Variants in MAP3K3 observed in about 807,000 individuals in gnomAD.
The protein encoded by MAP3K3 is mitogen-activated protein kinase kinase kinase 3, also known as MAP/ERK kinase kinase 3.
MAP3K3 carries 12 observed loss-of-function variants against 80.9 expected under a neutral mutation model. That is an observed-to-expected ratio of 0.15 (90% CI 0.10 to 0.24). The LOEUF is 0.24. MAP3K3 is among the 10% of genes least tolerant of loss of function. MAP3K3 has a pLI of 1.00. For missense variants in MAP3K3, 596 were observed against 834.7 expected (o/e 0.71, Z 3.52); for synonymous variants, 272 against 307.1 (o/e 0.89, Z 1.19).
chr17:63,625,479 A>T (rs550188210), intron 1 of MAP3K3, among the ~76,000 whole-genome samples: 14 of 152,292 alleles, frequency 9.2e-5, no homozygotes, highest in African/African-American at 3.4e-4. Flanking sequence ...AAAATATGTA[A>T]CAACTTGGAA....
chr17:63,625,444 A>T (rs1004338742), intron 1 of MAP3K3, among the ~76,000 whole-genome samples: 6 of 152,330 alleles, frequency 3.9e-5, no homozygotes, highest in African/African-American at 1.2e-4. Context: ...TTATAAACGC[A>T]GTCTGAAACT....
intron 1 of MAP3K3, among the ~76,000 whole-genome samples, chr17:63,630,601 A>G (rs751360446): frequency 6.6e-6 from 1 of 152,220 alleles, no homozygotes; most frequent in Non-Finnish European, 1.5e-5. Flanking sequence ...TGCTGGGATT[A>G]CAGGCATGAG....
chr17:63,693,898 C>T lies in MAP3K3; in HGVS notation c.*121C>T, dbSNP rs1291166372. 1.2e-6 allele frequency: 1 copy of T among 858,920 alleles called. No homozygotes were observed. Among genetic ancestry groups the T allele is most frequent in the Non-Finnish European group, 1.7e-6 (1 of 571,744 alleles). 53.2% of individuals were successfully genotyped at this position (858,920 alleles called of 1,614,324 possible). On this transcript the variant is annotated 3_prime_UTR_variant, in exon 16 of 16. Transcript: ENST00000361733. The surrounding 1 kb of genome is among the most constrained non-coding windows in gnomAD (Gnocchi z 4.2). The stretch of plus-strand genomic sequence containing the variant: ...GTGGACCATGGAGTGGCAGCCCAGC[C>T]AGCGTCGGTCTGTGCCCCTTCCGCC...
intron 6 of MAP3K3, among the ~76,000 whole-genome samples, chr17:63,678,968 G>A (rs1413768535): frequency 6.6e-6 from 1 of 152,210 alleles, no homozygotes; most frequent in Non-Finnish European, 1.5e-5. Flanking sequence ...GGCGGAGGTT[G>A]CCTTGAGCCA....
chr17:63,676,052 G>C (rs951099668), intron 6 of MAP3K3, among the ~76,000 whole-genome samples: 1 of 152,164 alleles, frequency 6.6e-6, no homozygotes, highest in Admixed American at 6.5e-5. Flanking sequence ...CCAACTCCTG[G>C]TTTTTCCATT....
At chr17:63,662,863 C>T (rs1443800749) in intron 5 of MAP3K3, among the ~76,000 whole-genome samples, 7 of 150,292 alleles carry the variant, frequency 4.7e-5, no homozygotes, top group African/African-American at 1.5e-4. Context: ...GGGCGGGGGG[C>T]GGTCCTCACC....
Position 63,635,851 on chromosome 17 carries a change from G to A in MAP3K3, c.126+3049G>A, listed in dbSNP as rs191358957. ...TGAAAGATCAAAACCTAATTTAAATGGTGAAGAGTTGCCAAATTTGGTTAA... is the reference window on the plus strand; with the variant it reads ...TGAAAGATCAAAACCTAATTTAAATAGTGAAGAGTTGCCAAATTTGGTTAA... On this transcript the variant is annotated intron_variant, in intron 2 of 15. Transcript: ENST00000361733. Among the ~76,000 whole-genome samples the A allele has an allele frequency of 1.1e-4, 16 of 152,288 alleles. No homozygotes were observed. In the East Asian group the frequency reaches 2.3e-3, roughly 22 times the overall value.
chr17:63,674,337 G>A (rs1414196150), intron 6 of MAP3K3, among the ~76,000 whole-genome samples: 4 of 152,134 alleles, frequency 2.6e-5, no homozygotes, highest in Admixed American at 2.0e-4. Flanking sequence ...GGCCAAGGTG[G>A]GTGGATTGCT....
chr17:63,672,518 T>G (rs2035132487), intron 6 of MAP3K3, among the ~76,000 whole-genome samples: 1 of 152,120 alleles, frequency 6.6e-6, no homozygotes, highest in African/African-American at 2.4e-5. Flanking sequence ...GGCAGTTAGA[T>G]ATATAGGTCT....
chr17:63,686,149 C>T (rs1416716604), intron 8 of MAP3K3, among the ~76,000 whole-genome samples: 1 of 152,124 alleles, frequency 6.6e-6, no homozygotes, highest in African/African-American at 2.4e-5. Flanking sequence ...TGGCATTGAT[C>T]TTGCCACTCC....
chr17:63,690,637 C>T (rs1040671247), intron 12 of MAP3K3: 1 of 530,620 alleles, frequency 1.9e-6, no homozygotes, highest in Non-Finnish European at 3.3e-6. Flanking sequence ...TAAGCTGATG[C>T]CAAAGTACCA....
At chr17:63,684,859 T>C (rs1166382890) in intron 7 of MAP3K3, among the ~76,000 whole-genome samples, 2 of 152,106 alleles carry the variant, frequency 1.3e-5, no homozygotes, top group Non-Finnish European at 1.5e-5. Context: ...ACCCCAACTT[T>C]TGTGCAGAGA....
At chr17:63,665,332 A>G (rs1378897110) in intron 5 of MAP3K3, among the ~76,000 whole-genome samples, 1 of 151,414 alleles carries the variant, frequency 6.6e-6, no homozygotes, top group Non-Finnish European at 1.5e-5. Context: ...CGCCCAGCTA[A>G]TTTTTTGTAT....
rs181304887 is a variant in MAP3K3 at position 63,689,449 on chromosome 17, G to T, written c.872-95G>T. The T allele has an allele frequency of 4.6e-6, 5 of 1,091,332 alleles. No individual in the cohort carries two copies. The East Asian group carries it at 1.3e-4, about 28-fold the overall frequency. 67.6% of individuals were successfully genotyped at this position (1,091,332 alleles called of 1,614,324 possible). A position where few individuals can be genotyped will look rare whatever the true frequency, so the allele number is the denominator to read the frequency against. On this transcript the variant is annotated intron_variant, in intron 10 of 15. Coordinates refer to ENST00000361733, the MANE Select transcript of MAP3K3 (RefSeq NM_002401.5). The surrounding 1 kb of genome is among the most constrained non-coding windows in gnomAD (Gnocchi z 4.3). ...GGCTGAGACCTGGTTTGTATATTCC[G>T]CCTTGTAGCCCGGGGTGTCTCAGAC...
intron 1 of MAP3K3, among the ~76,000 whole-genome samples, chr17:63,629,807 A>G (rs895544581): frequency 3.9e-5 from 6 of 152,262 alleles, no homozygotes; most frequent in African/African-American, 1.4e-4. Flanking sequence ...CAGCTCTGGA[A>G]CTACTAAACA....
At position 63,622,751 on chromosome 17, in the gene MAP3K3, A is replaced by G; in HGVS notation, c.-9A>G. ...ACGGACCTTAGCCACCGCCGCCGCC[A>G]TCGCCACCATGGGTAAGTGTCGCCA... On this transcript the variant is annotated 5_prime_UTR_variant, in exon 1 of 16. Coordinates refer to ENST00000361733, the MANE Select transcript of MAP3K3 (RefSeq NM_002401.5). 5.7e-6 allele frequency: 3 copies of G among 526,402 alleles called. No individual in the cohort carries two copies. Among genetic ancestry groups the G allele is most frequent in the Non-Finnish European group, 7.3e-6 (2 of 273,620 alleles). The allele number at this position is 526,402 out of a possible 1,614,324, so 32.6% of individuals were successfully genotyped here.
chr17:63,646,452 A>C (rs1364933146), intron 3 of MAP3K3, among the ~76,000 whole-genome samples: 2 of 152,206 alleles, frequency 1.3e-5, no homozygotes, highest in Non-Finnish European at 2.9e-5. Flanking sequence ...ATATGGTGCC[A>C]TTACTATTCC....
At chr17:63,643,633 A>T (rs1309424344) in intron 2 of MAP3K3, among the ~76,000 whole-genome samples, 1 of 152,222 alleles carries the variant, frequency 6.6e-6, no homozygotes, top group Non-Finnish European at 1.5e-5. Flanking sequence ...AAATTTATTA[A>T]TTAAAATAAT....
rs568813546 is a variant in MAP3K3 at position 63,674,005 on chromosome 17, G to A, written c.502+6945G>A. Reference sequence around the variant, plus strand: ...TGAGGTGGGACAATCACTTGAACCCGGGAGGCGGAGGTTGCAGTGAGCTGA... The same window carrying A: ...TGAGGTGGGACAATCACTTGAACCCAGGAGGCGGAGGTTGCAGTGAGCTGA... On this transcript the variant is annotated intron_variant, in intron 6 of 15. Coordinates refer to ENST00000361733, the MANE Select transcript of MAP3K3 (RefSeq NM_002401.5). 8.1e-4 allele frequency among the ~76,000 whole-genome samples: 123 copies of A among 151,844 alleles called. No individual in the cohort carries two copies. The Middle Eastern group carries it at 0.017, about 21-fold the overall frequency.
Sources: gnomAD v4.1 joint callset for allele counts (sites outside exome capture counted in the v4.1 genomes callset) on GRCh38, gnomAD v4.1.1 for gene constraint, Gnocchi (gnomAD v3.1) non-coding constraint, MANE v1.5 for transcripts, NCBI Gene and HGNC (gene_info 2026-07-23, HGNC 2026-07-21) for gene names.